ANO3: variants seen among roughly 807,000 people sequenced by gnomAD.
ANO3 encodes the protein anoctamin-3.
In ANO3, 99 loss-of-function variants were observed where a neutral mutation model predicts 144.8. The observed-to-expected ratio is 0.68, with a 90% CI of 0.58 to 0.81. The LOEUF (loss-of-function observed/expected upper bound fraction) is 0.81, where lower values mean the gene tolerates loss of function less well. Among genes scored for constraint, ANO3 ranks in the 30% least tolerant of loss-of-function variants. ANO3 has a pLI of 0.00. For synonymous variants in ANO3, 414 were observed against 392.6 expected (o/e 1.05, Z -0.64); for missense variants, 905 against 1,202.2 (o/e 0.75, Z 3.66).
Position 26,660,455 on chromosome 11 carries a change from T to G in ANO3, c.*11T>G. ...CATGAATGGCCTTAGTTGACACCTG[T>G]TACCCATTAGGGGTGATAACATTAA... On this transcript the variant is annotated 3_prime_UTR_variant, in exon 27 of 27. Transcript: ENST00000256737. 1 of 1,607,332 alleles carries G rather than the reference T, an allele frequency of 6.2e-7. No individual in the cohort carries two copies. The highest frequency in any genetic ancestry group is 8.5e-7 in the Non-Finnish European group (1 of 1,177,214).
At position 26,229,136 on chromosome 11, in the gene ANO3, T is replaced by C. The variant is rs79268796; in HGVS notation, c.154+39806T>C. Among the ~76,000 whole-genome samples, 540 of 152,268 alleles carry C rather than the reference T, an allele frequency of 3.5e-3. 27 individuals carry two copies. In the East Asian group the frequency reaches 0.093, roughly 26 times the overall value. ...TGCTTAGATTCAAGCTCTACTATAT[T>C]GGTAGAAATTTCTCTAACATTTCTG... is the stretch of plus-strand genomic sequence containing the variant. On this transcript the variant is annotated intron_variant, in intron 1 of 27. Coordinates refer to the ANO3 transcript ENST00000672621.
rs1380910522 is a variant in ANO3 at position 26,343,086 on chromosome 11, C to A, written c.46+10765C>A. ...TGATATTAGATTTTCATAACTTACT[C>A]ATCTTACATAACTGAAACTGTACCC... On this transcript the variant is annotated intron_variant, in intron 1 of 26. Transcript: ENST00000256737. 2.6e-5 allele frequency among the ~76,000 whole-genome samples: 4 copies of A among 152,120 alleles called. No individual in the cohort carries two copies. In the East Asian group the frequency reaches 7.7e-4, roughly 29 times the overall value.
At chr11:26,583,559 T>G (rs1222359583) in intron 14 of ANO3, among the ~76,000 whole-genome samples, 4 of 152,232 alleles carry the variant, frequency 2.6e-5, no homozygotes, top group Admixed American at 2.6e-4. Context: ...GTCTACTTTG[T>G]GCTCATGTAG....
intron 1 of ANO3, among the ~76,000 whole-genome samples, chr11:26,279,553 G>A (rs1853632580): frequency 6.6e-6 from 1 of 152,126 alleles, no homozygotes; most frequent in African/African-American, 2.4e-5. Context: ...CTGCAAAGAA[G>A]AGTACAAATA....
chr11:26,396,359 A>G (rs1025932089), intron 1 of ANO3, among the ~76,000 whole-genome samples: 3 of 152,160 alleles, frequency 2.0e-5, no homozygotes, highest in Non-Finnish European at 4.4e-5. Flanking sequence ...AATTACTTCA[A>G]CCATTTACAC....
chr11:26,266,266 T>C (rs942277323), intron 1 of ANO3, among the ~76,000 whole-genome samples: 2 of 152,148 alleles, frequency 1.3e-5, no homozygotes. Context: ...TCACTTCTCC[T>C]TTCCCCAAGA....
chr11:26,260,134 A>G (rs1660703644), intron 1 of ANO3, among the ~76,000 whole-genome samples: 2 of 151,852 alleles, frequency 1.3e-5, no homozygotes. Context: ...ACCCCACACA[A>G]AGGGATAATT....
At chr11:26,331,040 T>G (rs1469252350), upstream of ANO3, among the ~76,000 whole-genome samples, 8 of 152,142 alleles carry the variant, frequency 5.3e-5, no homozygotes, top group African/African-American at 1.9e-4. Flanking sequence ...GGAAAGGAGA[T>G]CCTACTGAAA....
intron 1 of ANO3, among the ~76,000 whole-genome samples, chr11:26,254,497 T>C (rs1342077921): frequency 2.0e-5 from 3 of 152,170 alleles, no homozygotes; most frequent in Non-Finnish European, 4.4e-5. Flanking sequence ...AGGAATGTAT[T>C]ATTCAGCATA....
intron 11 of ANO3, among the ~76,000 whole-genome samples, chr11:26,543,268 T>G (rs1849691115): frequency 6.6e-6 from 1 of 152,044 alleles, no homozygotes; most frequent in Non-Finnish European, 1.5e-5. Flanking sequence ...CTGTTTTATA[T>G]TGCCCTCTGA....
chr11:26,555,462 C>T (rs1275234195), intron 13 of ANO3, among the ~76,000 whole-genome samples: 1 of 152,158 alleles, frequency 6.6e-6, no homozygotes, highest in African/African-American at 2.4e-5. Context: ...CAAGGAAACA[C>T]TACATCTAGG....
intron 1 of ANO3, among the ~76,000 whole-genome samples, chr11:26,425,381 G>A (rs556040430): frequency 1.2e-4 from 18 of 151,908 alleles, no homozygotes; most frequent in African/African-American, 3.4e-4. Context: ...CTTGCACTTC[G>A]GTATCTCTGC....
chr11:26,606,626 T>C (rs999923429), intron 17 of ANO3, among the ~76,000 whole-genome samples: 1 of 151,288 alleles, frequency 6.6e-6, no homozygotes, highest in African/African-American at 2.4e-5. Flanking sequence ...GCTTGGTAAA[T>C]TTTCCTTCAT....
At chr11:26,219,541 T>C (rs1406034591) in intron 1 of ANO3, among the ~76,000 whole-genome samples, 2 of 152,194 alleles carry the variant, frequency 1.3e-5, no homozygotes, top group African/African-American at 2.4e-5. Context: ...AATATAATGT[T>C]GAATATTATA....
chr11:26,222,040 C>T (rs1030202027), intron 1 of ANO3, among the ~76,000 whole-genome samples: 1 of 152,152 alleles, frequency 6.6e-6, no homozygotes, highest in Non-Finnish European at 1.5e-5. Flanking sequence ...CCAATAGTCC[C>T]CCCAAAGTCT....
At chr11:26,275,591 G>A (rs1451474618) in intron 1 of ANO3, among the ~76,000 whole-genome samples, 1 of 152,118 alleles carries the variant, frequency 6.6e-6, no homozygotes, top group Admixed American at 6.6e-5. Context: ...CCTCCTTTGA[G>A]GATGGAGGCA....
intron 18 of ANO3, among the ~76,000 whole-genome samples, chr11:26,626,705 C>A (rs143527515): frequency 2.0e-3 from 300 of 152,224 alleles, no homozygotes; most frequent in Non-Finnish European, 3.4e-3. Flanking sequence ...TTTGTATATT[C>A]TTTGTTCAAT....
chr11:26,521,703 C>A (rs558617907), intron 6 of ANO3, among the ~76,000 whole-genome samples: 3 of 152,070 alleles, frequency 2.0e-5, no homozygotes, highest in African/African-American at 7.2e-5. Context: ...ATTTTTCTTG[C>A]GATCCAAAGC....
chr11:26,389,953 G>A (rs1415330450), intron 1 of ANO3, among the ~76,000 whole-genome samples: 1 of 152,048 alleles, frequency 6.6e-6, no homozygotes, highest in Non-Finnish European at 1.5e-5. Flanking sequence ...GCCTTAGGAT[G>A]TTAAGTATGT....
Sources: gnomAD v4.1 joint callset for allele counts (sites outside exome capture counted in the v4.1 genomes callset) on GRCh38, gnomAD v4.1.1 for gene constraint, MANE v1.5 for transcripts, NCBI Gene and HGNC (gene_info 2026-07-23, HGNC 2026-07-21) for gene names.